Variants in ZBTB44 observed in about 807,000 individuals in gnomAD.
ZBTB44 encodes zinc finger and BTB domain-containing protein 44.
ZBTB44 carries 15 observed loss-of-function variants against 54.0 expected under a neutral mutation model. That is an observed-to-expected ratio of 0.28 (90% CI 0.19 to 0.43). The LOEUF is 0.43. Ranked by LOEUF, ZBTB44 falls within the 20% of genes least tolerant of loss-of-function variation. ZBTB44 has a pLI of 1.00. For synonymous variants in ZBTB44, 230 were observed against 250.1 expected (o/e 0.92, Z 0.76); for missense variants, 487 against 707.1 (o/e 0.69, Z 3.53).
intron 2 of ZBTB44, among the ~76,000 whole-genome samples, chr11:130,240,418 T>C (rs953224425): frequency 2.0e-5 from 3 of 152,200 alleles, no homozygotes; most frequent in Admixed American, 2.0e-4. Context: ...CTATTTAAGT[T>C]CTTTTAGAAA....
intron 2 of ZBTB44, among the ~76,000 whole-genome samples, chr11:130,250,248 A>C (rs1423630035): frequency 2.0e-5 from 3 of 152,218 alleles, no homozygotes; most frequent in East Asian, 1.9e-4. Context: ...CTCTGAAAGA[A>C]AGACAGCAGC....
chr11:130,257,034 C>G (rs1202713954), intron 2 of ZBTB44, among the ~76,000 whole-genome samples: 3 of 152,022 alleles, frequency 2.0e-5, no homozygotes, highest in Non-Finnish European at 4.4e-5. Flanking sequence ...CCCACTGTCT[C>G]TGCCCCAAAA....
At chr11:130,241,641 C>CA (rs1954367513) in intron 2 of ZBTB44, among the ~76,000 whole-genome samples, 1 of 152,134 alleles carries the variant, frequency 6.6e-6, no homozygotes, top group African/African-American at 2.4e-5. Context: ...TATCTTTCCC[C>CA]ATCCCATGGC....
At chr11:130,260,487 TA>T (rs532335140) in intron 2 of ZBTB44, among the ~76,000 whole-genome samples, 5 of 152,264 alleles carry the variant, frequency 3.3e-5, no homozygotes, top group Non-Finnish European at 7.3e-5. Context: ...ATTAGATGAT[TA>T]ACCTAATTGT....
chr11:130,310,897 C>T (rs377734279), intron 1 of ZBTB44, among the ~76,000 whole-genome samples: 26 of 152,194 alleles, frequency 1.7e-4, no homozygotes, highest in South Asian at 8.3e-4. Context: ...CCACCATGCC[C>T]GGCTAATCCA....
At chr11:130,241,083 T>C (rs557407707) in intron 2 of ZBTB44, among the ~76,000 whole-genome samples, 1 of 152,364 alleles carries the variant, frequency 6.6e-6, no homozygotes, top group South Asian at 2.1e-4. Context: ...TTTATTTTCA[T>C]TGTTTATAAT....
At chr11:130,282,837 G>T (rs112434274) in intron 1 of ZBTB44, among the ~76,000 whole-genome samples, 1,977 of 151,974 alleles carry the variant, frequency 0.013, 47 homozygotes, top group African/African-American at 0.045. Flanking sequence ...CACCTCCCTG[G>T]GCAAGGAGAT....
At chr11:130,293,163 G>A (rs80032687) in intron 1 of ZBTB44, among the ~76,000 whole-genome samples, 1 of 151,922 alleles carries the variant, frequency 6.6e-6, no homozygotes, top group Non-Finnish European at 1.5e-5. Flanking sequence ...TATCTGAGTT[G>A]TAAAAAGATA....
chr11:130,266,152 C>G (rs1939233824), intron 1 of ZBTB44, among the ~76,000 whole-genome samples: 1 of 152,194 alleles, frequency 6.6e-6, no homozygotes, highest in Non-Finnish European at 1.5e-5. Context: ...TATTCATTTA[C>G]CATTCTGAAA....
intron 1 of ZBTB44, chr11:130,295,893 T>C (rs7928167): frequency 0.025 from 37,313 of 1,477,714 alleles, 1,562 homozygotes; most frequent in African/African-American, 0.18. Flanking sequence ...TGCATACCTA[T>C]GGGTTGATAA....
intron 1 of ZBTB44, among the ~76,000 whole-genome samples, chr11:130,290,201 G>T (rs993623402): frequency 1.3e-5 from 2 of 152,168 alleles, no homozygotes; most frequent in African/African-American, 2.4e-5. Context: ...GCAACGTGAA[G>T]ACCAGTGATG....
chr11:130,258,572 G>C (rs769748575), intron 2 of ZBTB44, among the ~76,000 whole-genome samples: 4 of 152,168 alleles, frequency 2.6e-5, no homozygotes, highest in Non-Finnish European at 5.9e-5. Flanking sequence ...GACACTGCTA[G>C]TTGCATACTC....
Position 130,281,540 on chromosome 11 carries a change from T to TAAAC in ZBTB44, c.-56-19612_-56-19611insGTTT, listed in dbSNP as rs1467266463. On this transcript the variant is annotated intron_variant, in intron 1 of 7. Transcript: ENST00000357899. ...CAAAATAAATAAATAAATAAATAAA[T>TAAAC]AAATAAATAAATAAATAAATAAATA... 6.0e-5 allele frequency among the ~76,000 whole-genome samples: 9 copies of TAAAC among 150,728 alleles called. No homozygotes were observed. The East Asian group carries it at 1.6e-3, about 26-fold the overall frequency.
At chr11:130,272,701 T>C (rs1323882362) in intron 1 of ZBTB44, among the ~76,000 whole-genome samples, 4 of 151,026 alleles carry the variant, frequency 2.6e-5, no homozygotes, top group Admixed American at 6.6e-5. Flanking sequence ...TTTTTTTTTT[T>C]CAAGGAGTTT....
At chr11:130,236,095 T>A in intron 5 of ZBTB44, 1 of 1,270,230 alleles carries the variant, frequency 7.9e-7, no homozygotes, top group Non-Finnish European at 1.0e-6. Flanking sequence ...TTAGAAACCA[T>A]CGTTTAAAGC....
At chr11:130,250,274 T>C (rs1237768630) in intron 2 of ZBTB44, among the ~76,000 whole-genome samples, 2 of 152,290 alleles carry the variant, frequency 1.3e-5, no homozygotes, top group Admixed American at 1.3e-4. Flanking sequence ...TCAGGGCTTA[T>C]AGATAAAAAT....
intron 1 of ZBTB44, among the ~76,000 whole-genome samples, chr11:130,290,079 G>C (rs1417851187): frequency 6.6e-6 from 1 of 152,184 alleles, no homozygotes; most frequent in Non-Finnish European, 1.5e-5. Context: ...GATTATCCCA[G>C]ATTACCCAGG....
At chr11:130,293,783 C>T (rs984292306) in intron 1 of ZBTB44, among the ~76,000 whole-genome samples, 1 of 151,756 alleles carries the variant, frequency 6.6e-6, no homozygotes, top group Non-Finnish European at 1.5e-5. Flanking sequence ...GCAACAAAAG[C>T]GAAATTCCAT....
chr11:130,263,444 T>C (rs1212143627), intron 1 of ZBTB44, among the ~76,000 whole-genome samples: 2 of 152,232 alleles, frequency 1.3e-5, no homozygotes, highest in African/African-American at 4.8e-5. Context: ...TTTTAAAGCA[T>C]GGCCTTCGAG....
Sources: gnomAD v4.1 joint callset for allele counts (sites outside exome capture counted in the v4.1 genomes callset) on GRCh38, gnomAD v4.1.1 for gene constraint, MANE v1.5 for transcripts, NCBI Gene and HGNC (gene_info 2026-07-23, HGNC 2026-07-21) for gene names.